Variants in TAFA4 observed in about 807,000 individuals in gnomAD.
TAFA4 encodes the protein TAFA chemokine like family member 4.
In TAFA4, 20 loss-of-function variants were observed where a neutral mutation model predicts 21.1. The ratio of observed to expected loss-of-function variants is 0.95; its 90% CI spans 0.67 to 1.38. TAFA4 has a LOEUF of 1.38. Among genes scored for constraint, TAFA4 ranks in the 40% most tolerant of loss-of-function variants. The pLI is 0.00. For synonymous variants in TAFA4, 71 were observed against 67.4 expected (o/e 1.05, Z -0.26); for missense variants, 211 against 180.9 (o/e 1.17, Z -0.95).
At position 68,925,738 on chromosome 3, in the gene TAFA4, T is replaced by A. The variant is rs371561083; in HGVS notation, c.-123+6502A>T. ...ATGACATATAGCTCTCTTCACTGAT[T>A]TGTCATCTTTCCTGGAATCACTCCA... On this transcript the variant is annotated intron_variant, in intron 1 of 5. Coordinates refer to ENST00000295569, the MANE Select transcript of TAFA4 (RefSeq NM_182522.5). Among the ~76,000 whole-genome samples, 23 of 152,312 alleles carry A rather than the reference T, an allele frequency of 1.5e-4. No homozygotes were observed. In the East Asian group the frequency reaches 4.2e-3, roughly 28 times the overall value.
chr3:68,778,739 G>A (rs1703096355), intron 3 of TAFA4, among the ~76,000 whole-genome samples: 2 of 152,208 alleles, frequency 1.3e-5, no homozygotes, highest in African/African-American at 4.8e-5. Flanking sequence ...ACGTGGAACT[G>A]TAAATCCAAT....
rs187884180 is a variant in TAFA4, at chr3:68,792,327, T to C, written c.131-39309A>G. Among the ~76,000 whole-genome samples the C allele has an allele frequency of 1.2e-3, 189 of 152,268 alleles. 2 individuals are homozygous for C. The highest frequency in any genetic ancestry group is 5.9e-3 in the Admixed American group (90 of 15,286). ...ATGATTATACATATAGACTCACCCA[T>C]TGACAATCATGTTCTCCCTCAATGA... On this transcript the variant is annotated intron_variant, in intron 3 of 5. Transcript: ENST00000295569.
At chr3:68,748,027 G>T (rs1456237991) in intron 4 of TAFA4, among the ~76,000 whole-genome samples, 2 of 152,062 alleles carry the variant, frequency 1.3e-5, no homozygotes, top group African/African-American at 4.8e-5. Context: ...CAGACTCATT[G>T]CTTCTCAAGG....
At chr3:68,826,281 G>A (rs1010535546) in intron 3 of TAFA4, among the ~76,000 whole-genome samples, 2 of 152,100 alleles carry the variant, frequency 1.3e-5, no homozygotes, top group Admixed American at 1.3e-4. Context: ...ATAATAAGAA[G>A]GTTTACTCAG....
At chr3:68,888,264 T>C (rs2089694316) in intron 1 of TAFA4, among the ~76,000 whole-genome samples, 1 of 152,070 alleles carries the variant, frequency 6.6e-6, no homozygotes, top group Non-Finnish European at 1.5e-5. Context: ...TTCCAATACA[T>C]GTTTCTCATT....
intron 3 of TAFA4, among the ~76,000 whole-genome samples, chr3:68,785,441 C>T (rs546334639): frequency 7.4e-4 from 112 of 152,336 alleles, no homozygotes; most frequent in Non-Finnish European, 1.1e-3. Context: ...TGGCGGGCTG[C>T]GGGTCCCAAG....
intron 3 of TAFA4, among the ~76,000 whole-genome samples, chr3:68,760,472 C>T (rs746760285): frequency 6.6e-6 from 1 of 152,122 alleles, no homozygotes; most frequent in Non-Finnish European, 1.5e-5. Flanking sequence ...TATTATTTCC[C>T]TTGCATCCTT....
At chr3:68,855,602 G>C (rs1575643038) in intron 3 of TAFA4, among the ~76,000 whole-genome samples, 2 of 152,088 alleles carry the variant, frequency 1.3e-5, no homozygotes, top group Admixed American at 6.6e-5. Context: ...AAACTGATAA[G>C]TAGGGGGGAA....
intron 3 of TAFA4, among the ~76,000 whole-genome samples, chr3:68,837,944 G>A (rs890920226): frequency 1.3e-5 from 2 of 151,932 alleles, no homozygotes; most frequent in African/African-American, 4.8e-5. Context: ...TTTGAAAAAT[G>A]TATACATCGT....
intron 3 of TAFA4, among the ~76,000 whole-genome samples, chr3:68,838,317 C>T (rs1704572336): frequency 6.6e-6 from 1 of 152,292 alleles, no homozygotes; most frequent in African/African-American, 2.4e-5. Context: ...ACCAAAAATA[C>T]TTTACCACAA....
At chr3:68,923,448 T>C (rs1385955073) in intron 1 of TAFA4, among the ~76,000 whole-genome samples, 1 of 152,168 alleles carries the variant, frequency 6.6e-6, no homozygotes, top group Admixed American at 6.5e-5. Context: ...ACCTAAGGCT[T>C]ATCTTAATCT....
intron 3 of TAFA4, among the ~76,000 whole-genome samples, chr3:68,821,283 T>C (rs904072096): frequency 1.3e-5 from 2 of 149,970 alleles, no homozygotes; most frequent in Middle Eastern, 3.5e-3. Flanking sequence ...AACAATAAGA[T>C]ATGATGGCTG....
intron 3 of TAFA4, among the ~76,000 whole-genome samples, chr3:68,781,196 G>T (rs1390759964): frequency 6.6e-6 from 1 of 151,584 alleles, no homozygotes; most frequent in African/African-American, 2.4e-5. Flanking sequence ...AACAAGAAAG[G>T]TCCTAAGTCA....
At chr3:68,764,647 T>C (rs1702814473) in intron 3 of TAFA4, among the ~76,000 whole-genome samples, 1 of 152,204 alleles carries the variant, frequency 6.6e-6, no homozygotes, top group Non-Finnish European at 1.5e-5. Context: ...ATATCATGAC[T>C]CTCATCCCTG....
In TAFA4 at chr3:68,839,077, G is replaced by A. The variant is rs572412402; in HGVS notation, c.130+41653C>T. ...TATGCCACTGCACTCCAGCCTGGGA[G>A]ACAGAGCGAGACCTTGTCTCAAAGA... On this transcript the variant is annotated intron_variant, in intron 3 of 5. Coordinates refer to ENST00000295569, the MANE Select transcript of TAFA4 (RefSeq NM_182522.5). 4.6e-5 allele frequency among the ~76,000 whole-genome samples: 7 copies of A among 152,292 alleles called. No homozygotes were observed. The South Asian group carries it at 1.5e-3, about 32-fold the overall frequency.
At chr3:68,897,162 A>C (rs144312271) in intron 1 of TAFA4, among the ~76,000 whole-genome samples, 28,323 of 151,730 alleles carry the variant, frequency 0.19, 3,247 homozygotes, top group East Asian at 0.49. Context: ...TCGACCTCCC[A>C]AAGTGCTGGG....
At chr3:68,748,859 T>C (rs17047972) in intron 4 of TAFA4, among the ~76,000 whole-genome samples, 33,285 of 152,200 alleles carry the variant, frequency 0.22, 4,453 homozygotes, top group East Asian at 0.62. Flanking sequence ...TTAAACCCAA[T>C]ATTTAGAAAC....
At chr3:68,827,547 G>A (rs542153687) in intron 3 of TAFA4, among the ~76,000 whole-genome samples, 4 of 152,140 alleles carry the variant, frequency 2.6e-5, no homozygotes, top group Non-Finnish European at 5.9e-5. Context: ...TCCAGCATCT[G>A]TTGTTTCCTG....
chr3:68,784,892 G>A (rs1265965575), intron 3 of TAFA4, among the ~76,000 whole-genome samples: 2 of 152,248 alleles, frequency 1.3e-5, no homozygotes, highest in Non-Finnish European at 1.5e-5. Flanking sequence ...TGGTCCCAAA[G>A]GTTCTCCAAG....
Sources: allele counts gnomAD v4.1 joint callset (sites outside exome capture counted in the v4.1 genomes callset), GRCh38; gene constraint gnomAD v4.1.1; transcripts MANE v1.5; gene names NCBI Gene and HGNC (gene_info 2026-07-23, HGNC 2026-07-21).